The following NCOA2 variants were observed in gnomAD, a reference collection of about 807,000 sequenced individuals.
NCOA2 encodes nuclear receptor coactivator 2.
Under a neutral mutation model 145.1 loss-of-function variants are expected in NCOA2, and 21 were observed. That is an observed-to-expected ratio of 0.14 (90% confidence interval 0.10 to 0.21). NCOA2 has a LOEUF of 0.21. Ranked by LOEUF, NCOA2 falls within the 10% of genes least tolerant of loss-of-function variation. The pLI is 1.00. For missense variants in NCOA2, 1,472 were observed against 1,837.6 expected (o/e 0.80, Z 3.64); for synonymous variants, 619 against 637.5 (o/e 0.97, Z 0.44).
chr8:70,164,228 T>C (rs1251235342), intron 7 of NCOA2, among the ~76,000 whole-genome samples: 1 of 152,168 alleles, frequency 6.6e-6, no homozygotes, highest in Non-Finnish European at 1.5e-5. Flanking sequence ...AATCACTTAA[T>C]CCTCACCTTG....
intron 2 of NCOA2, among the ~76,000 whole-genome samples, chr8:70,257,318 C>A (rs1279493401): frequency 6.6e-6 from 1 of 152,198 alleles, no homozygotes; most frequent in Non-Finnish European, 1.5e-5. Context: ...ATTCAAATCA[C>A]TATAATTGCC....
At chr8:70,418,730 A>G in the NCOA2 span, among the ~76,000 whole-genome samples, 1 of 152,194 alleles carries the variant, frequency 6.6e-6, no homozygotes, top group Admixed American at 6.5e-5. Flanking sequence ...GAAAACTACT[A>G]TTATAGACCA....
intron 1 of NCOA2, among the ~76,000 whole-genome samples, chr8:70,318,992 C>T (rs546934839): frequency 7.9e-5 from 12 of 152,264 alleles, no homozygotes; most frequent in African/African-American, 2.2e-4. Flanking sequence ...AAAGGCAATA[C>T]GCCCTAAGCT....
intron 2 of NCOA2, among the ~76,000 whole-genome samples, chr8:70,292,375 T>A (rs1372260542): frequency 6.6e-6 from 1 of 151,778 alleles, no homozygotes; most frequent in Non-Finnish European, 1.5e-5. Flanking sequence ...ATGGTCTCGA[T>A]CTCTTGACCT....
the NCOA2 span, chr8:70,424,454 G>T: frequency 2.0e-6 from 1 of 500,588 alleles, no homozygotes; most frequent in Non-Finnish European, 4.0e-6. Flanking sequence ...AATACCACAT[G>T]AGCATATCTT....
At chr8:70,148,572 A>C in intron 11 of NCOA2, 89 bp from the exon 12 acceptor site, 1 of 1,150,624 alleles carries the variant, frequency 8.7e-7, no homozygotes, top group Admixed American at 2.0e-5. Context: ...AACTGCCATA[A>C]GGCACCACAG....
chr8:70,425,177 C>T, the NCOA2 span, among the ~76,000 whole-genome samples: 1 of 152,236 alleles, frequency 6.6e-6, no homozygotes, highest in African/African-American at 2.4e-5. Context: ...GGCATCCTTG[C>T]ACTAAGCATG....
intron 7 of NCOA2, among the ~76,000 whole-genome samples, chr8:70,165,052 C>T (rs992085506): frequency 6.6e-6 from 1 of 152,124 alleles, no homozygotes; most frequent in South Asian, 2.1e-4. Context: ...TAACATAGAA[C>T]GTACTTTTAA....
At chr8:70,304,189 C>G (rs1443405150) in intron 1 of NCOA2, among the ~76,000 whole-genome samples, 2 of 152,196 alleles carry the variant, frequency 1.3e-5, no homozygotes, top group Admixed American at 1.3e-4. Context: ...CAATGACACA[C>G]TGCATATCCC....
chr8:70,116,793 G>C (rs1327328942), intron 22 of NCOA2, among the ~76,000 whole-genome samples: 2 of 152,226 alleles, frequency 1.3e-5, no homozygotes, highest in Non-Finnish European at 2.9e-5. Flanking sequence ...AGAAAGTGCA[G>C]GTGGATGAGG....
At position 70,116,984 on chromosome 8, in the gene NCOA2, G is replaced by A. The variant is rs568420231; in HGVS notation, c.4384-3341C>T. 5.3e-5 allele frequency among the ~76,000 whole-genome samples: 8 copies of A among 152,232 alleles called. No homozygotes were observed. The South Asian group carries it at 1.7e-3, about 31-fold the overall frequency. Reference sequence around the variant, plus strand: ...GGCCTCAAGCCACCTGAGTAGCTGTGACTACAAGCGTGCCACCCACTGTGC... The same window carrying A: ...GGCCTCAAGCCACCTGAGTAGCTGTAACTACAAGCGTGCCACCCACTGTGC... On this transcript the variant is annotated intron_variant, in intron 22 of 22. Coordinates refer to ENST00000452400, the MANE Select transcript of NCOA2 (RefSeq NM_006540.4).
chr8:70,274,507 T>G (rs1825321268), intron 2 of NCOA2, among the ~76,000 whole-genome samples: 2 of 152,200 alleles, frequency 1.3e-5, no homozygotes, highest in African/African-American at 2.4e-5. Flanking sequence ...TTTTTTAAAC[T>G]AATTACCAAT....
Position 70,113,403 on chromosome 8 carries a change from A to G in NCOA2, c.*229T>C, listed in dbSNP as rs1806714325. 2 of 591,636 alleles carry G rather than the reference A, an allele frequency of 3.4e-6. No individual in the cohort carries two copies. The highest frequency in any genetic ancestry group is 1.9e-5 in the African/African-American group (1 of 53,768). The allele number at this position is 591,636 out of a possible 1,614,324, so 36.6% of individuals were successfully genotyped here. On this transcript the variant is annotated 3_prime_UTR_variant, in exon 23 of 23. Coordinates refer to ENST00000452400, the MANE Select transcript of NCOA2 (RefSeq NM_006540.4). ...TTGCACTAAGGTGAATGCAGTGAACAGACTGAGCGACTGTCTGGATGCGAG... is the reference window on the plus strand; with the variant it reads ...TTGCACTAAGGTGAATGCAGTGAACGGACTGAGCGACTGTCTGGATGCGAG...
Position 70,157,173 on chromosome 8 carries a change from T to C in NCOA2, c.1192A>G (p.Ile398Val), listed in dbSNP as rs376016440. 9.8e-5 allele frequency: 157 copies of C among 1,601,868 alleles called. 7 individuals are homozygous for C. Among genetic ancestry groups the C allele is most frequent in the Middle Eastern group, 1.7e-4 (1 of 6,020 alleles). ...TGATGGGCAGGGCTGTTAGAGCTAA[T>C]TGGATTCAGTGGCTTCCCCATCGTT... ...GQTMGKPLNP[I>V]SSNSPAHQAL... Residue 398 changes from isoleucine to valine, a missense_variant, in exon 11 of 23, where the codon ATT (isoleucine) becomes GTT (valine). Transcript: ENST00000452400.
chr8:70,148,124 G>A, intron 12 of NCOA2, 149 bp downstream of exon 12: 1 of 724,226 alleles, frequency 1.4e-6, no homozygotes, highest in Non-Finnish European at 2.3e-6. Flanking sequence ...TTTGAATACT[G>A]TTTCAAAAGA....
At chr8:70,370,293 G>C (rs1030408438) in intron 1 of NCOA2, among the ~76,000 whole-genome samples, 1 of 152,124 alleles carries the variant, frequency 6.6e-6, no homozygotes, top group African/African-American at 2.4e-5. Flanking sequence ...CTTTCATGGA[G>C]CTCTCTAGAA....
intron 2 of NCOA2, among the ~76,000 whole-genome samples, chr8:70,270,179 C>G (rs1824934763): frequency 6.7e-6 from 1 of 149,544 alleles, no homozygotes; most frequent in Non-Finnish European, 1.5e-5. Flanking sequence ...GAGACCTTGT[C>G]TCAAAAAACA....
At chr8:70,191,020 G>A (rs948892204) in intron 4 of NCOA2, among the ~76,000 whole-genome samples, 2 of 151,876 alleles carry the variant, frequency 1.3e-5, no homozygotes, top group African/African-American at 2.4e-5. Flanking sequence ...GAAGCTGGTA[G>A]GTACATGACT....
chr8:70,247,919 C>T (rs1009204151), intron 2 of NCOA2, among the ~76,000 whole-genome samples: 14 of 152,198 alleles, frequency 9.2e-5, no homozygotes, highest in Admixed American at 2.6e-4. Flanking sequence ...TTGCTGTTAG[C>T]AAATCTGTCC....
Sources: allele counts gnomAD v4.1 joint callset (sites outside exome capture counted in the v4.1 genomes callset), GRCh38; gene constraint gnomAD v4.1.1; transcripts MANE v1.5; gene names NCBI Gene and HGNC (gene_info 2026-07-23, HGNC 2026-07-21).